The following GTF2H5 variants were observed in gnomAD, a reference collection of about 807,000 sequenced individuals.
The protein encoded by GTF2H5 is TFB5 ortholog.
A neutral mutation model predicts 7.1 loss-of-function variants in GTF2H5; 5 were observed. That is an observed-to-expected ratio of 0.71 (90% CI 0.37 to 1.49). The LOEUF is 1.49. Ranked by LOEUF, GTF2H5 falls within the 40% of genes most tolerant of loss-of-function variation. The pLI is 0.03. For missense variants in GTF2H5, 80 were observed against 83.0 expected (o/e 0.96, Z 0.14); for synonymous variants, 30 against 31.7 (o/e 0.95, Z 0.18).
chr6:158,189,933 C>G (rs184358752), intron 2 of GTF2H5, among the ~76,000 whole-genome samples: 3 of 152,300 alleles, frequency 2.0e-5, no homozygotes, highest in African/African-American at 7.2e-5. Context: ...TTGATCACTC[C>G]CACTTCCTGA....
intron 1 of GTF2H5, among the ~76,000 whole-genome samples, chr6:158,169,772 A>ATATT (rs1187068824): frequency 5.6e-5 from 3 of 53,938 alleles, no homozygotes; most frequent in African/African-American, 1.8e-4. Flanking sequence ...TATTATATAT[A>ATATT]ATATATTGTA....
intron 2 of GTF2H5, among the ~76,000 whole-genome samples, chr6:158,185,415 CTGTAG>C (rs1776903096): frequency 6.6e-6 from 1 of 151,828 alleles, no homozygotes; most frequent in South Asian, 2.1e-4. Context: ...TGGCGTGCGC[CTGTAG>C]ACCCAGTTAG....
chr6:158,169,571 TG>T (rs1307864400), intron 1 of GTF2H5, among the ~76,000 whole-genome samples: 1 of 81,450 alleles, frequency 1.2e-5, no homozygotes, highest in Non-Finnish European at 2.1e-5. Flanking sequence ...TATAATATAT[TG>T]TATATTATAT....
intron 2 of GTF2H5, among the ~76,000 whole-genome samples, chr6:158,185,025 G>C (rs1776889219): frequency 1.3e-5 from 2 of 151,896 alleles, no homozygotes. Flanking sequence ...TATGCTCTTG[G>C]CTTTGGGTTT....
chr6:158,181,307 A>G (rs1786007369), intron 2 of GTF2H5, among the ~76,000 whole-genome samples: 1 of 152,154 alleles, frequency 6.6e-6, no homozygotes, highest in Non-Finnish European at 1.5e-5. Context: ...GGTCAATTTT[A>G]GAATAAGTGT....
In GTF2H5 at chr6:158,168,368, C is replaced by G. The variant is rs538830926; in HGVS notation, c.-62C>G. 6.6e-6 allele frequency: 1 copy of G among 152,352 alleles called. No homozygotes were observed. Among genetic ancestry groups the G allele is most frequent in the Non-Finnish European group, 1.5e-5 (1 of 68,150 alleles). 9.4% of individuals were successfully genotyped at this position (152,352 alleles called of 1,614,324 possible). A position where few individuals can be genotyped will look rare whatever the true frequency, so the allele number is the denominator to read the frequency against. ...CGCAGGCGCACTCTGCCGGCAACGC[C>G]GAGGCGCTTCTGCATCTGTGGGCCG... On this transcript the variant is annotated 5_prime_UTR_variant, in exon 1 of 3. Coordinates refer to ENST00000607778, the MANE Select transcript of GTF2H5 (RefSeq NM_207118.3).
chr6:158,183,909 C>G (rs1786042774), intron 2 of GTF2H5, among the ~76,000 whole-genome samples: 1 of 152,204 alleles, frequency 6.6e-6, no homozygotes, highest in Admixed American at 6.5e-5. Flanking sequence ...TGGGCTGCAC[C>G]CACTGTCCAA....
At chr6:158,169,701 T>C (rs1265975676) in intron 1 of GTF2H5, among the ~76,000 whole-genome samples, 1 of 89,674 alleles carries the variant, frequency 1.1e-5, no homozygotes, top group Non-Finnish European at 2.0e-5. Flanking sequence ...TATTATATAA[T>C]ATATTGTATA....
At chr6:158,185,330 A>G (rs1467535996) in intron 2 of GTF2H5, among the ~76,000 whole-genome samples, 2 of 151,940 alleles carry the variant, frequency 1.3e-5, no homozygotes, top group Admixed American at 1.3e-4. Context: ...GCCCAAGCCC[A>G]GGAGTTCAAG....
At chr6:158,185,956 C>T (rs1190823328) in intron 2 of GTF2H5, among the ~76,000 whole-genome samples, 1 of 152,120 alleles carries the variant, frequency 6.6e-6, no homozygotes, top group African/African-American at 2.4e-5. Context: ...ATGACGCCTA[C>T]TGCCCTCCAG....
chr6:158,171,727 C>G (rs1245753535), intron 2 of GTF2H5, among the ~76,000 whole-genome samples: 3 of 152,166 alleles, frequency 2.0e-5, no homozygotes, highest in Admixed American at 2.0e-4. Context: ...CATGAGCAAT[C>G]TCATAGAGAA....
chr6:158,174,084 G>T (rs1014544097), intron 2 of GTF2H5, among the ~76,000 whole-genome samples: 2 of 152,090 alleles, frequency 1.3e-5, no homozygotes, highest in Non-Finnish European at 2.9e-5. Flanking sequence ...GGTTCTGGCT[G>T]GTTTCTTTAC....
chr6:158,185,190 AC>A (rs1776896886), intron 2 of GTF2H5, among the ~76,000 whole-genome samples: 1 of 150,682 alleles, frequency 6.6e-6, no homozygotes, highest in Non-Finnish European at 1.5e-5. Flanking sequence ...TTAAATCATT[AC>A]ATGTTATCTT....
In GTF2H5 at chr6:158,169,686, A is replaced by ATATATTGTATAT. The variant is rs1491100832; in HGVS notation, c.-34-779_-34-778insTGTATATTATAT. Among the ~76,000 whole-genome samples, 106 of 29,706 alleles carry ATATATTGTATAT rather than the reference A, an allele frequency of 3.6e-3. 4 individuals carry two copies. Among genetic ancestry groups the ATATATTGTATAT allele is most frequent in the East Asian group, 0.018 (9 of 492 alleles). 19.5% of individuals were successfully genotyped at this position (29,706 alleles called of 152,430 possible). A position where few individuals can be genotyped will look rare whatever the true frequency, so the allele number is the denominator to read the frequency against. Reference sequence around the variant, plus strand: ...TATATTGTATATTATATAATATATAATATATATTATATAATATATTGTATA... The same window carrying ATATATTGTATAT: ...TATATTGTATATTATATAATATATAATATATTGTATATTATATATTATATAATATATTGTATA... On this transcript the variant is annotated intron_variant, in intron 1 of 2. Transcript: ENST00000607778.
chr6:158,172,624 T>G (rs1583628315), intron 2 of GTF2H5, among the ~76,000 whole-genome samples: 1 of 152,252 alleles, frequency 6.6e-6, no homozygotes, highest in East Asian at 1.9e-4. Context: ...TTGGGTGTTT[T>G]TGTCTGTTCA....
intron 2 of GTF2H5, among the ~76,000 whole-genome samples, chr6:158,185,731 G>A (rs1776909641): frequency 6.6e-6 from 1 of 152,094 alleles, no homozygotes; most frequent in South Asian, 2.1e-4. Context: ...AAATAGGCCA[G>A]GCTCAATGGC....
At chr6:158,169,681 ATAT>A (rs1298494672) in intron 1 of GTF2H5, among the ~76,000 whole-genome samples, 1 of 52,510 alleles carries the variant, frequency 1.9e-5, no homozygotes, top group African/African-American at 1.0e-4. Context: ...ATTATATAAT[ATAT>A]AATATATATT....
Position 158,192,482 on chromosome 6 carries a change from C to T in GTF2H5, c.*325C>T, listed in dbSNP as rs1016610265. 1.3e-5 allele frequency: 4 copies of T among 318,218 alleles called. No homozygotes were observed. The East Asian group carries it at 2.4e-4, about 19-fold the overall frequency. 19.7% of individuals were successfully genotyped at this position (318,218 alleles called of 1,614,324 possible). ...TATTTATTTTGCTCATCCCTGTGAT[C>T]TGTGCATTTTTGCTGCGTGGATGTG... On this transcript the variant is annotated 3_prime_UTR_variant, in exon 3 of 3. Coordinates refer to ENST00000607778, the MANE Select transcript of GTF2H5 (RefSeq NM_207118.3).
chr6:158,179,697 T>C (rs1367314856), intron 2 of GTF2H5, among the ~76,000 whole-genome samples: 1 of 152,246 alleles, frequency 6.6e-6, no homozygotes, highest in Non-Finnish European at 1.5e-5. Flanking sequence ...TTTTGTATCC[T>C]GAAACTTTGC....
Sources: allele counts gnomAD v4.1 joint callset (sites outside exome capture counted in the v4.1 genomes callset), GRCh38; gene constraint gnomAD v4.1.1; transcripts MANE v1.5; gene names NCBI Gene and HGNC (gene_info 2026-07-23, HGNC 2026-07-21).